TENM4: variants seen among roughly 807,000 people sequenced by gnomAD.
The protein encoded by TENM4 is teneurin-4.
TENM4 carries 82 observed loss-of-function variants against 243.3 expected under a neutral mutation model. The ratio of observed to expected loss-of-function variants is 0.34; its 90% confidence interval spans 0.28 to 0.40. The LOEUF is 0.40. Among genes scored for constraint, TENM4 ranks in the 10% least tolerant of loss-of-function variants. The pLI is 1.00. For synonymous variants in TENM4, 1,412 were observed against 1,456.3 expected, an observed-to-expected ratio of 0.97 and a Z score of 0.69; for missense variants, 3,138 against 3,673.3, an observed-to-expected ratio of 0.85 and a Z score of 3.77.
At chr11:79,156,119 C>T (rs1173199070) in intron 3 of TENM4, among the ~76,000 whole-genome samples, 1 of 152,164 alleles carries the variant, frequency 6.6e-6, no homozygotes, top group Non-Finnish European at 1.5e-5. Flanking sequence ...ACTGTGTTCT[C>T]CTGCCTAGAG....
intron 2 of TENM4, among the ~76,000 whole-genome samples, chr11:79,251,416 G>T (rs1855610248): frequency 6.6e-6 from 1 of 152,224 alleles, no homozygotes; most frequent in Admixed American, 6.5e-5. Context: ...CCCGTGGGTT[G>T]CTAAAATCCT....
intron 6 of TENM4, among the ~76,000 whole-genome samples, chr11:79,049,327 T>C (rs1296080252): frequency 1.3e-5 from 2 of 152,242 alleles, no homozygotes; most frequent in African/African-American, 2.4e-5. Flanking sequence ...TTATCAGCAC[T>C]AGCAGTGCGC....
chr11:78,778,807 G>A (rs1340989189), intron 16 of TENM4, among the ~76,000 whole-genome samples, 179 bp from the exon 17 acceptor site: 1 of 152,148 alleles, frequency 6.6e-6, no homozygotes, highest in African/African-American at 2.4e-5. Flanking sequence ...GGAGAAGGGA[G>A]AGCAAGCATT....
chr11:79,226,645 CCTAGCTCTTCTCTGAAGGA>C (rs1277873392), intron 2 of TENM4, among the ~76,000 whole-genome samples: 1 of 152,136 alleles, frequency 6.6e-6, no homozygotes, highest in Non-Finnish European at 1.5e-5. Context: ...AAGGCAAGAT[CCTAGCTCTTCTCTGAAGGA>C]CTAGGGACAG....
intron 6 of TENM4, among the ~76,000 whole-genome samples, chr11:79,037,313 A>C (rs1859414782): frequency 6.6e-6 from 1 of 152,200 alleles, no homozygotes; most frequent in African/African-American, 2.4e-5. Flanking sequence ...CTTAAACCAC[A>C]GCCCTTTGGC....
chr11:79,366,323 A>C (rs1330450163), intron 1 of TENM4, among the ~76,000 whole-genome samples: 1 of 152,218 alleles, frequency 6.6e-6, no homozygotes, highest in Non-Finnish European at 1.5e-5. Context: ...TGGGCTCCTA[A>C]AGGCCCTTGG....
intron 1 of TENM4, among the ~76,000 whole-genome samples, chr11:79,301,167 G>C (rs552209770): frequency 1.3e-5 from 2 of 152,110 alleles, no homozygotes; most frequent in Non-Finnish European, 2.9e-5. Flanking sequence ...TGCAAATTGG[G>C]TTATCTTTTC....
intron 12 of TENM4, among the ~76,000 whole-genome samples, chr11:78,821,746 C>T (rs489758): frequency 0.44 from 66,129 of 152,018 alleles, 15,019 homozygotes; most frequent in Middle Eastern, 0.55. Flanking sequence ...ATATCTGAAA[C>T]GTAATCAGGT....
chr11:78,714,333 C>T (rs960585784), intron 25 of TENM4, among the ~76,000 whole-genome samples: 2 of 149,944 alleles, frequency 1.3e-5, no homozygotes, highest in Non-Finnish European at 3.0e-5. Context: ...GCAGGTTTGT[C>T]ATTATAAATG....
At chr11:78,810,922 T>G (rs934916053) in intron 14 of TENM4, among the ~76,000 whole-genome samples, 1 of 152,170 alleles carries the variant, frequency 6.6e-6, no homozygotes, top group African/African-American at 2.4e-5. Context: ...CACAGCATCA[T>G]CCGTCAGTTT....
chr11:78,859,872 A>T (rs1244023107), intron 10 of TENM4, among the ~76,000 whole-genome samples: 1 of 152,258 alleles, frequency 6.6e-6, no homozygotes. Context: ...CAATTCAACC[A>T]TCAGAAATGC....
chr11:79,011,953 G>A (rs143293899), intron 6 of TENM4, among the ~76,000 whole-genome samples: 16 of 152,260 alleles, frequency 1.1e-4, no homozygotes, highest in African/African-American at 3.9e-4. Context: ...TTCCCTGGAT[G>A]TAGCCCCCAG....
rs188110136 is a variant in TENM4, at chr11:78,968,483, G to A, written c.494-64960C>T. 1.3e-3 allele frequency among the ~76,000 whole-genome samples: 194 copies of A among 152,202 alleles called. 3 individuals are homozygous for A. The highest frequency in any genetic ancestry group is 1.2e-3 in the Non-Finnish European group (82 of 68,010). ...GTATTTTGGGGACAGACGAGGTTTC[G>A]CCAGGTTGCCCAGACTGCTATTTTC... On this transcript the variant is annotated intron_variant, in intron 6 of 33. Coordinates refer to ENST00000278550, the MANE Select transcript of TENM4 (RefSeq NM_001098816.3).
intron 12 of TENM4, among the ~76,000 whole-genome samples, chr11:78,822,568 T>C (rs1163220798): frequency 2.0e-5 from 3 of 152,028 alleles, no homozygotes; most frequent in Admixed American, 2.0e-4. Context: ...CACTGGGGCC[T>C]GTTGTGGGGT....
intron 6 of TENM4, among the ~76,000 whole-genome samples, chr11:79,015,617 A>G (rs963551212): frequency 2.0e-5 from 3 of 152,162 alleles, no homozygotes; most frequent in African/African-American, 7.2e-5. Context: ...AGTAAAGCCT[A>G]TTACATGGAA....
In TENM4 at chr11:78,863,147, G is replaced by A. The variant is rs1858866890; in HGVS notation, c.1085-15C>T. Reference sequence around the variant, plus strand: ...CAGGTGCATGGCTGTGGTGAGCAATGAGAAAAGTCATCTTTTTCTGCTGGA... The same window carrying A: ...CAGGTGCATGGCTGTGGTGAGCAATAAGAAAAGTCATCTTTTTCTGCTGGA... On this transcript the variant is annotated splice_polypyrimidine_tract_variant and intron_variant, in intron 9 of 33. Transcript: ENST00000278550. 1 of 1,478,006 alleles carries A rather than the reference G, an allele frequency of 6.8e-7. No homozygotes were observed. The highest frequency in any genetic ancestry group is 1.4e-5 in the African/African-American group (1 of 71,294). 91.6% of individuals were successfully genotyped at this position (1,478,006 alleles called of 1,614,324 possible).
intron 21 of TENM4, among the ~76,000 whole-genome samples, chr11:78,731,330 G>A (rs914550239): frequency 6.6e-6 from 1 of 152,194 alleles, no homozygotes; most frequent in Non-Finnish European, 1.5e-5. Context: ...CTGAAAAGGA[G>A]GTTTCAACCT....
intron 6 of TENM4, among the ~76,000 whole-genome samples, chr11:79,052,298 T>G (rs990181300): frequency 1.3e-5 from 2 of 152,218 alleles, no homozygotes; most frequent in Non-Finnish European, 2.9e-5. Flanking sequence ...TTTTTTGACT[T>G]TTTAGTAATA....
chr11:79,104,262 G>T (rs1476681649), intron 4 of TENM4, among the ~76,000 whole-genome samples: 1 of 152,192 alleles, frequency 6.6e-6, no homozygotes, highest in African/African-American at 2.4e-5. Flanking sequence ...CAAGGATTTT[G>T]TCTCATAGGT....
Sources: allele counts gnomAD v4.1 joint callset (sites outside exome capture counted in the v4.1 genomes callset), GRCh38; gene constraint gnomAD v4.1.1; transcripts MANE v1.5; gene names NCBI Gene and HGNC (gene_info 2026-07-23, HGNC 2026-07-21).